TNFRSF21: variants seen among roughly 807,000 people sequenced by gnomAD.
TNFRSF21 encodes TNF receptor superfamily member 21, also known as tumor necrosis factor receptor superfamily member 21.
In TNFRSF21, 19 loss-of-function variants were observed where a neutral mutation model predicts 45.6. The ratio of observed to expected loss-of-function variants is 0.42; its 90% CI spans 0.29 to 0.61. The LOEUF (loss-of-function observed/expected upper bound fraction) is 0.61. Ranked by LOEUF, TNFRSF21 falls within the 20% of genes least tolerant of loss-of-function variation. The pLI is 0.23. For synonymous variants in TNFRSF21, 314 were observed against 335.5 expected (o/e 0.94, Z 0.70); for missense variants, 737 against 851.5 (o/e 0.87, Z 1.67).
At chr6:47,250,853 C>T (rs1477749985) in intron 4 of TNFRSF21, among the ~76,000 whole-genome samples, 2 of 152,208 alleles carry the variant, frequency 1.3e-5, no homozygotes, top group African/African-American at 4.8e-5. Flanking sequence ...TCCAAAAATT[C>T]AAAATCCAAA....
intron 3 of TNFRSF21, among the ~76,000 whole-genome samples, chr6:47,257,539 T>TC (rs1194579437): frequency 3.3e-5 from 5 of 152,218 alleles, no homozygotes; most frequent in Admixed American, 3.3e-4. Flanking sequence ...TTTGAATGCC[T>TC]TCCTTGTGTA....
chr6:47,291,320 G>A (rs1306224035), intron 1 of TNFRSF21, among the ~76,000 whole-genome samples: 1 of 152,192 alleles, frequency 6.6e-6, no homozygotes, highest in Non-Finnish European at 1.5e-5. Context: ...TAGGTTGGGG[G>A]AGAAGGCATA....
intron 3 of TNFRSF21, among the ~76,000 whole-genome samples, chr6:47,266,818 G>A (rs1040121216): frequency 3.3e-5 from 5 of 152,148 alleles, no homozygotes; most frequent in African/African-American, 9.7e-5. Flanking sequence ...TTATCATTAC[G>A]GGGAGTAAAA....
chr6:47,267,447 A>G (rs904432602), intron 3 of TNFRSF21, among the ~76,000 whole-genome samples: 1 of 152,126 alleles, frequency 6.6e-6, no homozygotes, highest in Non-Finnish European at 1.5e-5. Flanking sequence ...GTCAATCTTT[A>G]AGGCATTTTA....
intron 1 of TNFRSF21, among the ~76,000 whole-genome samples, chr6:47,287,240 G>A (rs1762663003): frequency 6.9e-6 from 1 of 144,346 alleles, no homozygotes. Flanking sequence ...CCAGGAGGTG[G>A]AGGTTGCAAT....
At chr6:47,247,331 C>T (rs1417168130) in intron 4 of TNFRSF21, among the ~76,000 whole-genome samples, 2 of 152,164 alleles carry the variant, frequency 1.3e-5, no homozygotes, top group African/African-American at 4.8e-5. Flanking sequence ...CCTTAAATAA[C>T]CCTCCATGCT....
intron 1 of TNFRSF21, among the ~76,000 whole-genome samples, chr6:47,299,209 G>A (rs1036959610): frequency 6.6e-6 from 1 of 152,050 alleles, no homozygotes; most frequent in African/African-American, 2.4e-5. Context: ...TATAAATCTC[G>A]GCTGGGTGCA....
At chr6:47,283,000 G>A (rs1434689031) in intron 3 of TNFRSF21, among the ~76,000 whole-genome samples, 1 of 152,116 alleles carries the variant, frequency 6.6e-6, no homozygotes, top group East Asian at 1.9e-4. Flanking sequence ...CACAAGAATG[G>A]AATTGCCACG....
intron 3 of TNFRSF21, among the ~76,000 whole-genome samples, chr6:47,256,428 G>A (rs894935560): frequency 9.8e-5 from 15 of 152,360 alleles, no homozygotes; most frequent in Middle Eastern, 3.4e-3. Context: ...GGAGACTGAG[G>A]TGGGAGGATT....
At chr6:47,272,010 A>G (rs1261525534) in intron 3 of TNFRSF21, among the ~76,000 whole-genome samples, 1 of 152,222 alleles carries the variant, frequency 6.6e-6, no homozygotes, top group Non-Finnish European at 1.5e-5. Context: ...ACCCAGATTC[A>G]TAAAGCAAGT....
At chr6:47,282,239 G>T (rs988552543) in intron 3 of TNFRSF21, among the ~76,000 whole-genome samples, 2 of 152,010 alleles carry the variant, frequency 1.3e-5, no homozygotes, top group Non-Finnish European at 2.9e-5. Context: ...TACAAAATTA[G>T]CTGGGCATGG....
chr6:47,285,226 C>A (rs771166436), intron 2 of TNFRSF21, among the ~76,000 whole-genome samples: 99 of 152,070 alleles, frequency 6.5e-4, no homozygotes, highest in African/African-American at 2.3e-3. Context: ...TCAAGTTGGT[C>A]ATCATCTCAT....
intron 3 of TNFRSF21, among the ~76,000 whole-genome samples, chr6:47,271,721 A>T (rs1403575880): frequency 2.0e-5 from 3 of 151,870 alleles, no homozygotes; most frequent in Non-Finnish European, 4.4e-5. Flanking sequence ...CAGACTGGCA[A>T]ATTGGATAAA....
At chr6:47,249,777 C>A (rs752276292) in intron 4 of TNFRSF21, among the ~76,000 whole-genome samples, 9 of 152,068 alleles carry the variant, frequency 5.9e-5, no homozygotes, top group Non-Finnish European at 1.0e-4. Flanking sequence ...GTAAAAAGTA[C>A]ACATTTATTG....
At chr6:47,276,335 T>C (rs1258242570) in intron 3 of TNFRSF21, among the ~76,000 whole-genome samples, 1 of 152,196 alleles carries the variant, frequency 6.6e-6, no homozygotes, top group African/African-American at 2.4e-5. Flanking sequence ...GCCACCTTTT[T>C]TGCTCCCACT....
chr6:47,253,280 A>T lies in TNFRSF21; in HGVS notation c.1485T>A (p.Arg495=). The part of the protein sequence containing the change: ...HRRNDVVEKI[R]GLMEDTTQLE... ...CCTGGGTGGTGTCTTCCATCAGCCC[A>T]CGAATCTTCTCCACAACATCGTTTC... is the stretch of plus-strand genomic sequence containing the variant. Residue 495 remains arginine, a synonymous_variant, in exon 4 of 6, where the codon CGT becomes CGA. Coordinates refer to ENST00000296861, the MANE Select transcript of TNFRSF21 (RefSeq NM_014452.5). The T allele has an allele frequency of 6.2e-7, 1 of 1,613,532 alleles. No individual in the cohort carries two copies. Among genetic ancestry groups the T allele is most frequent in the Non-Finnish European group, 8.5e-7 (1 of 1,179,702 alleles).
chr6:47,296,188 T>C (rs1387203724), intron 1 of TNFRSF21, among the ~76,000 whole-genome samples: 1 of 152,162 alleles, frequency 6.6e-6, no homozygotes, highest in South Asian at 2.1e-4. Flanking sequence ...GCAGAAGGAA[T>C]GTTACTCTGT....
intron 4 of TNFRSF21, among the ~76,000 whole-genome samples, chr6:47,236,895 TC>T (rs1174549454): frequency 6.6e-6 from 1 of 152,182 alleles, no homozygotes; most frequent in Non-Finnish European, 1.5e-5. Context: ...AAAGGAAATT[TC>T]CACCCACAAA....
chr6:47,302,170 G>A (rs1321983048), intron 1 of TNFRSF21, among the ~76,000 whole-genome samples: 3 of 152,134 alleles, frequency 2.0e-5, no homozygotes, highest in Admixed American at 6.5e-5. Context: ...TTACTTAAGC[G>A]AGTGCTACCA....
Sources: gnomAD v4.1 joint callset for allele counts (sites outside exome capture counted in the v4.1 genomes callset) on GRCh38, gnomAD v4.1.1 for gene constraint, MANE v1.5 for transcripts, NCBI Gene and HGNC (gene_info 2026-07-23, HGNC 2026-07-21) for gene names.